Variants in SNAPC4 observed in about 807,000 individuals in gnomAD.
SNAPC4 encodes the protein snRNA-activating protein complex subunit 4.
Under a neutral mutation model 151.3 loss-of-function variants are expected in SNAPC4, and 127 were observed. The observed-to-expected ratio is 0.84, with a 90% confidence interval of 0.73 to 0.97. SNAPC4 has a LOEUF of 0.97. Among genes scored for constraint, SNAPC4 ranks in the 50% least tolerant of loss-of-function variants. SNAPC4 has a pLI of 0.00. For missense variants in SNAPC4, 2,186 were observed against 1,935.0 expected (o/e 1.13, Z -2.43); for synonymous variants, 1,002 against 824.4 (o/e 1.22, Z -3.69).
intron 10 of SNAPC4, among the ~76,000 whole-genome samples, chr9:136,390,425 G>C (rs1675340843): frequency 1.3e-5 from 2 of 151,768 alleles, no homozygotes; most frequent in African/African-American, 2.4e-5. Context: ...CGTGGTGGTG[G>C]GCGCCTGTAG....
At position 136,383,120 on chromosome 9, in the gene SNAPC4, G is replaced by A. The variant is rs1833758119; in HGVS notation, c.1983+66C>T. 3.3e-6 allele frequency: 5 copies of A among 1,496,574 alleles called. No homozygotes were observed. The South Asian group carries it at 5.5e-5, about 16-fold the overall frequency. The allele number at this position is 1,496,574 out of a possible 1,614,324, so 92.7% of individuals were successfully genotyped here. A position where few individuals can be genotyped will look rare whatever the true frequency, so the allele number is the denominator to read the frequency against. On this transcript the variant is annotated intron_variant, in intron 16 of 23. Transcript: ENST00000684778. This position sits in a 1 kb window ranked among gnomAD's most constrained non-coding sequence, Gnocchi z 4.2. ...GCCCCTGCTGCTGCACTATCCCCAAGCGTCAGCCCTGGCGAGCGAGTGCCG... is the reference window on the plus strand; with the variant it reads ...GCCCCTGCTGCTGCACTATCCCCAAACGTCAGCCCTGGCGAGCGAGTGCCG...
chr9:136,395,307 G>A lies in SNAPC4; in HGVS notation c.462C>T (p.Val154=), dbSNP rs1329166859. The A allele has an allele frequency of 1.9e-6, 3 of 1,613,442 alleles. No homozygotes were observed. The highest frequency in any genetic ancestry group is 1.3e-5 in the African/African-American group (1 of 75,066). Residue 154 remains valine (V), a synonymous_variant, in exon 5 of 24, where the codon GTC becomes GTT. Coordinates refer to ENST00000684778, the MANE Select transcript of SNAPC4 (RefSeq NM_003086.4). ...HFMKPYFKDK[V]TGVGPPANED... Reference sequence around the variant, plus strand: ...GGCCTCGGCCACTCACCACGCCCGTGACCTTGTCCTTGAAATACGGCTTCA... The same window carrying A: ...GGCCTCGGCCACTCACCACGCCCGTAACCTTGTCCTTGAAATACGGCTTCA...
At chr9:136,392,449 A>C (rs754618300) in intron 9 of SNAPC4, 73 bp downstream of exon 9, 3 of 1,470,556 alleles carry the variant, frequency 2.0e-6, no homozygotes, top group Non-Finnish European at 2.8e-6. Flanking sequence ...CTTACCACCC[A>C]ATTCCAACTG....
chr9:136,383,736 G>T lies in SNAPC4; in HGVS notation c.1501-68C>A, dbSNP rs528504974. 1.9e-6 allele frequency: 3 copies of T among 1,549,646 alleles called. No homozygotes were observed. Among genetic ancestry groups the T allele is most frequent in the Admixed American group, 3.6e-5 (2 of 54,854 alleles). ...GTTCACCCATGATGGCAGCAAGCAG[G>T]CCAGCCCTTTGGGGAGAGGCCCAAG... On this transcript the variant is annotated intron_variant, in intron 15 of 23. Coordinates refer to ENST00000684778, the MANE Select transcript of SNAPC4 (RefSeq NM_003086.4). The surrounding 1 kb of genome is among the most constrained non-coding windows in gnomAD (Gnocchi z 4.2).
rs1833493925 is a variant in SNAPC4 at position 136,377,549 on chromosome 9, G to A, written c.4278C>T (p.Pro1426=). ...GQPGCTTATC[P]IQGAPDSGKC... ...GGCTGGGCGCCCACCCTACCTGAAT[G>A]GGGCATGTGGCTGTCGTGCAGCCCG... Residue 1426 remains proline (P), a synonymous_variant, in exon 22 of 24, where the codon CCC becomes CCT. Coordinates refer to ENST00000684778, the MANE Select transcript of SNAPC4 (RefSeq NM_003086.4). The A allele has an allele frequency of 1.3e-6, 2 of 1,508,704 alleles. No individual in the cohort carries two copies. Among genetic ancestry groups the A allele is most frequent in the Non-Finnish European group, 1.8e-6 (2 of 1,128,024 alleles). The allele number at this position is 1,508,704 out of a possible 1,614,324, so 93.5% of individuals were successfully genotyped here.
At chr9:136,396,907 C>T (rs959207311) in intron 3 of SNAPC4, 70 bp downstream of exon 3, 3 of 1,276,726 alleles carry the variant, frequency 2.3e-6, no homozygotes, top group South Asian at 1.2e-5. Flanking sequence ...ACCACGCCCC[C>T]TCCCAGGCTA....
rs1833932556 is a variant in SNAPC4 at position 136,387,595 on chromosome 9, G to A, written c.1231-16C>T. On this transcript the variant is annotated splice_polypyrimidine_tract_variant and intron_variant, in intron 12 of 23. Transcript: ENST00000684778. Reference sequence around the variant, plus strand: ...GAAGCAACTTCTGCAGGAAGGGACAGGCAGACAAGTGAAGCCTCTGCAGGT... The same window carrying A: ...GAAGCAACTTCTGCAGGAAGGGACAAGCAGACAAGTGAAGCCTCTGCAGGT... 1.9e-6 allele frequency: 3 copies of A among 1,592,588 alleles called. No individual in the cohort carries two copies. Among genetic ancestry groups the A allele is most frequent in the Non-Finnish European group, 2.6e-6 (3 of 1,160,662 alleles).
In SNAPC4 at chr9:136,392,654, C is replaced by A; in HGVS notation, c.737+19G>T. The A allele has an allele frequency of 3.1e-6, 5 of 1,613,556 alleles. No individual in the cohort carries two copies. Among genetic ancestry groups the A allele is most frequent in the Non-Finnish European group, 4.2e-6 (5 of 1,179,830 alleles). On this transcript the variant is annotated intron_variant, in intron 8 of 23. Transcript: ENST00000684778. The stretch of plus-strand genomic sequence containing the variant: ...TGGCTTGTGGGCTCCCCTGGGCCCT[C>A]CCGGGAGGCCCCCCTCACTTGATGT...
chr9:136,393,473 G>A (rs1331007608), intron 7 of SNAPC4, among the ~76,000 whole-genome samples: 1 of 152,238 alleles, frequency 6.6e-6, no homozygotes, highest in Non-Finnish European at 1.5e-5. Flanking sequence ...TTTGACCAAA[G>A]TCATCAGGAC....
chr9:136,377,764 G>A lies in SNAPC4; in HGVS notation c.4063C>T (p.Leu1355Phe), dbSNP rs777913158. 70 of 1,611,244 alleles carry A rather than the reference G, an allele frequency of 4.3e-5. No individual in the cohort carries two copies. The highest frequency in any genetic ancestry group is 5.7e-5 in the Non-Finnish European group (67 of 1,179,230). The change falls in exon 22 of 24, where the codon CTC (leucine) becomes TTC (phenylalanine). Residue 1355 changes from leucine (L) to phenylalanine (F), a missense_variant. Transcript: ENST00000684778. ...AGGAGGTAGGCCGGGTTGTCCTGGA[G>A]CTGCCCCCGCACCAGCCCCAGTGAG... ...QASLGLVRGQ[L>F]QDNPAYLLLR...
At chr9:136,396,865 T>C (rs1038411560) in intron 3 of SNAPC4, 112 bp downstream of exon 3, 1 of 812,204 alleles carries the variant, frequency 1.2e-6, no homozygotes, top group African/African-American at 1.7e-5. Context: ...GTGAATCATT[T>C]TTATAATGCA....
intron 1 of SNAPC4, among the ~76,000 whole-genome samples, chr9:136,399,016 G>T (rs905754568): frequency 1.3e-5 from 2 of 152,238 alleles, no homozygotes; most frequent in South Asian, 4.1e-4. Context: ...CCAGAACAAC[G>T]CCTGGAACGT....
rs200047665 is a variant in SNAPC4, at chr9:136,384,727, A to C, written c.1413T>G (p.Tyr471Ter). 74 of 1,499,786 alleles carry C rather than the reference A, an allele frequency of 4.9e-5. No individual in the cohort carries two copies. The highest frequency in any genetic ancestry group is 6.8e-5 in the Non-Finnish European group (74 of 1,091,788). The allele number at this position is 1,499,786 out of a possible 1,614,324, so 92.9% of individuals were successfully genotyped here. ...EEQLIELIEK[Y>*]GVGHWAKIAS... ...AAACTGTCAGCAACTTACCGACACC[A>C]TATTTTTCTATTAATTCAATTAACT... is the stretch of plus-strand genomic sequence containing the variant. The change falls in exon 14 of 24, where the codon TAT (tyrosine) becomes TAG (stop). Residue 471 changes from tyrosine (Y) to a stop codon, truncating the protein, a stop_gained. Coordinates refer to ENST00000684778, the MANE Select transcript of SNAPC4 (RefSeq NM_003086.4). LOFTEE classifies it high-confidence loss of function.
Position 136,377,831 on chromosome 9 carries a change from C to A in SNAPC4, c.3996G>T (p.Val1332=), listed in dbSNP as rs1474952857. 12 of 1,611,490 alleles carry A rather than the reference C, an allele frequency of 7.4e-6. No homozygotes were observed. Among genetic ancestry groups the A allele is most frequent in the African/African-American group, 2.7e-5 (2 of 74,916 alleles). The change falls in exon 22 of 24, where the codon GTG becomes GTT. Residue 1332 remains valine (V), a synonymous_variant. Transcript: ENST00000684778. The part of the protein sequence containing the change: ...KALEHKATSL[V]VGGEAERPAG... ...CCGGCCGCTCAGCCTCGCCCCCCAC[C>A]ACCAGGGAGGTGGCCTTGTGCTCCA...
At chr9:136,390,176 C>T (rs1834018760) in intron 10 of SNAPC4, among the ~76,000 whole-genome samples, 8 of 152,128 alleles carry the variant, frequency 5.3e-5, no homozygotes, top group Admixed American at 5.2e-4. Context: ...AAGCCAGAGG[C>T]TGGTCAGGCG....
chr9:136,378,307 C>T lies in SNAPC4; in HGVS notation c.3520G>A (p.Val1174Ile). The T allele has an allele frequency of 1.2e-6, 2 of 1,604,102 alleles. No individual in the cohort carries two copies. Among genetic ancestry groups the T allele is most frequent in the Non-Finnish European group, 1.7e-6 (2 of 1,175,980 alleles). Residue 1174 changes from valine (V) to isoleucine (I), a missense_variant, in exon 22 of 24, where the codon GTC becomes ATC. Physicochemically the swap from Val to Ile is conservative, Grantham distance 29 (BLOSUM62 3). Transcript: ENST00000684778. ...CTGGCCACCTGGGCCTCTCCAGGGA[C>T]AAAGGCCACACTGCCATCCGCTTCT... ...PAEADGSVAF[V>I]PGEAQVAREI...
Position 136,379,299 on chromosome 9 carries a change from C to T in SNAPC4, c.2528G>A (p.Gly843Asp). The change falls in exon 22 of 24, where the codon GGC becomes GAC. Residue 843 changes from glycine (G) to aspartate (D), a missense_variant and splice_region_variant. Gly to Asp is a moderately conservative substitution (Grantham distance 94). Transcript: ENST00000684778. ...AGCCGGCACGTTTGGGAAGAGGTGG[C>T]CTGTGGGGAGGAAAGACCCACACTT... ...QASSSAQSTP[G>D]HLFPNVPAQE... 4 of 1,612,484 alleles carry T rather than the reference C, an allele frequency of 2.5e-6. No individual in the cohort carries two copies. The highest frequency in any genetic ancestry group is 3.4e-6 in the Non-Finnish European group (4 of 1,179,930).
At position 136,378,935 on chromosome 9, in the gene SNAPC4, G is replaced by C; in HGVS notation, c.2892C>G (p.Gly964=). The C allele has an allele frequency of 6.2e-7, 1 of 1,610,622 alleles. No homozygotes were observed. Among genetic ancestry groups the C allele is most frequent in the Non-Finnish European group, 8.5e-7 (1 of 1,179,364 alleles). Residue 964 remains glycine, a synonymous_variant, in exon 22 of 24, where the codon GGC becomes GGG. Coordinates refer to ENST00000684778, the MANE Select transcript of SNAPC4 (RefSeq NM_003086.4). ...GPGAPAAAKP[G]TSGSWQEAGT... is the part of the protein sequence containing the mutation. The stretch of plus-strand genomic sequence containing the variant: ...CAGCCTCCTGCCAGGAGCCAGAAGT[G>C]CCAGGTTTGGCTGCCGCGGGGGCCC...
chr9:136,390,735 AAAAG>A (rs1834041665), intron 10 of SNAPC4, among the ~76,000 whole-genome samples: 1 of 152,032 alleles, frequency 6.6e-6, no homozygotes, highest in Non-Finnish European at 1.5e-5. Context: ...TGAAAAACAA[AAAAG>A]AAAAAAAGAA....
Sources: gnomAD v4.1 joint callset for allele counts (sites outside exome capture counted in the v4.1 genomes callset) on GRCh38, gnomAD v4.1.1 for gene constraint, Gnocchi (gnomAD v3.1) non-coding constraint, MANE v1.5 for transcripts, NCBI Gene and HGNC (gene_info 2026-07-23, HGNC 2026-07-21) for gene names.